PCDHA9: variants seen among roughly 807,000 people sequenced by gnomAD.
PCDHA9 encodes protocadherin alpha-9.
A neutral mutation model predicts 62.0 loss-of-function variants in PCDHA9; 62 were observed. That is an observed-to-expected ratio of 1.00 (90% CI 0.81 to 1.23). The LOEUF is 1.23. PCDHA9 is among the 50% of genes most tolerant of loss of function. The pLI, the probability that PCDHA9 is intolerant of heterozygous loss-of-function variation, is 0.00. For missense variants in PCDHA9, 1,205 were observed against 1,249.8 expected (o/e 0.96, Z 0.54); for synonymous variants, 557 against 567.6 (o/e 0.98, Z 0.27).
At chr5:140,953,218 C>T (rs575250415) in intron 1 of PCDHA9, among the ~76,000 whole-genome samples, 2 of 152,272 alleles carry the variant, frequency 1.3e-5, no homozygotes, top group East Asian at 3.9e-4. Flanking sequence ...ATCTTTCTTG[C>T]TTCTGCTTGG....
chr5:141,009,942 C>T lies in PCDHA9; in HGVS notation c.*5C>T, dbSNP rs782819309. The T allele has an allele frequency of 6.3e-7, 1 of 1,597,438 alleles. No individual in the cohort carries two copies. The highest frequency in any genetic ancestry group is 1.1e-5 in the South Asian group (1 of 87,840). ...ACTGACAACAGTGACCAGTGAGGTCCTCAAATGGAAACAAGCCACTTAGCC... is the reference window on the plus strand; with the variant it reads ...ACTGACAACAGTGACCAGTGAGGTCTTCAAATGGAAACAAGCCACTTAGCC... On this transcript the variant is annotated 3_prime_UTR_variant, in exon 4 of 4. Coordinates refer to ENST00000532602, the MANE Select transcript of PCDHA9 (RefSeq NM_031857.2).
At position 140,871,521 on chromosome 5, in the gene PCDHA9, C is replaced by T. The variant is rs1554165698; in HGVS notation, c.2394+20632C>T. 3.2e-6 allele frequency: 5 copies of T among 1,553,236 alleles called. No individual in the cohort carries two copies. In the Admixed American group the frequency reaches 1.0e-4, roughly 31 times the overall value. On this transcript the variant is annotated intron_variant, in intron 1 of 3. Transcript: ENST00000532602. ...TGAGTTTTCTACAGATTCCACCTAT[C>T]AGGAAGTGTATGTGAAATTATTTAA...
intron 1 of PCDHA9, among the ~76,000 whole-genome samples, chr5:140,977,932 C>T (rs2096781582): frequency 6.6e-6 from 1 of 151,944 alleles, no homozygotes; most frequent in Non-Finnish European, 1.5e-5. Flanking sequence ...TCAACTATAC[C>T]TCAATATTCA....
chr5:140,871,698 C>A, intron 1 of PCDHA9: 2 of 905,580 alleles, frequency 2.2e-6, no homozygotes, highest in Non-Finnish European at 3.2e-6. Context: ...GCTTCTTTAA[C>A]CAATAAATGT....
At chr5:140,876,607 T>A in intron 1 of PCDHA9, 1 of 1,614,186 alleles carries the variant, frequency 6.2e-7, no homozygotes, top group Non-Finnish European at 8.5e-7. Context: ...GGATCGTGAC[T>A]CTGGAGCCAA....
intron 1 of PCDHA9, chr5:140,967,124 A>G (rs782387198): frequency 1.2e-6 from 2 of 1,612,200 alleles, no homozygotes; most frequent in South Asian, 2.2e-5. Context: ...CTGCCTGCTC[A>G]GCTTGGAAGT....
At chr5:140,877,391 C>T (rs782042077) in intron 1 of PCDHA9, 21 of 1,613,950 alleles carry the variant, frequency 1.3e-5, no homozygotes, top group Non-Finnish European at 1.8e-5. Flanking sequence ...CTGGATGAGG[C>T]GGACGCTCCG....
intron 1 of PCDHA9, chr5:140,968,323 C>T (rs1554230616): frequency 1.2e-6 from 2 of 1,614,114 alleles, no homozygotes; most frequent in East Asian, 2.2e-5. Flanking sequence ...TGCCAGTCAC[C>T]TCCTATGTCT....
intron 1 of PCDHA9, among the ~76,000 whole-genome samples, chr5:140,962,524 G>T (rs1410879766): frequency 6.6e-6 from 1 of 152,012 alleles, no homozygotes; most frequent in Non-Finnish European, 1.5e-5. Flanking sequence ...TAATATATTA[G>T]TTTTTTAGAA....
In PCDHA9 at chr5:141,009,879, A is replaced by T. The variant is rs2098415109; in HGVS notation, c.2795A>T (p.Asn932Ile). The T allele has an allele frequency of 1.2e-6, 2 of 1,613,766 alleles. No individual in the cohort carries two copies. The highest frequency in any genetic ancestry group is 3.3e-5 in the Admixed American group (2 of 59,900). Reference sequence around the variant, plus strand: ...AAAAAGAAGAAAAAGAAGAAGGGTAACAAGACCCAGGAGAAAAAAGAGAAA... The same window carrying T: ...AAAAAGAAGAAAAAGAAGAAGGGTATCAAGACCCAGGAGAAAAAAGAGAAA... The part of the protein sequence containing the change: ...TKKKKKKKKG[N>I]KTQEKKEKGN... Residue 932 changes from asparagine to isoleucine, a missense_variant, in exon 4 of 4, where the codon AAC (asparagine) becomes ATC (isoleucine). Around this residue, in one of 3 missense-constraint regions of PCDHA9, gnomAD observed 887 missense variants for 809.5 expected, o/e 1.10. Coordinates refer to ENST00000532602, the MANE Select transcript of PCDHA9 (RefSeq NM_031857.2).
rs573889445 is a variant in PCDHA9 at position 140,855,681 on chromosome 5, A to G, written c.2394+4792A>G. ...AGAAATCACTACTCTGAGAGTCTAC[A>G]TTTAAGAAAACATTGCACGTGGGAT... On this transcript the variant is annotated intron_variant, in intron 1 of 3. Coordinates refer to ENST00000532602, the MANE Select transcript of PCDHA9 (RefSeq NM_031857.2). Among the ~76,000 whole-genome samples the G allele has an allele frequency of 1.4e-4, 21 of 149,936 alleles. 1 individual carries two copies. The highest frequency in any genetic ancestry group is 5.1e-4 in the African/African-American group (21 of 40,902).
At chr5:141,009,494 A>T in intron 3 of PCDHA9, 133 bp from the exon 4 acceptor site, 1 of 1,488,918 alleles carries the variant, frequency 6.7e-7, no homozygotes, top group South Asian at 1.4e-5. Flanking sequence ...TTGCCCTCAG[A>T]CTTGAACAAA....
intron 1 of PCDHA9, chr5:140,969,172 G>T (rs782196654): frequency 1.2e-5 from 19 of 1,614,086 alleles, no homozygotes; most frequent in Non-Finnish European, 1.5e-5. Context: ...CAGGCTCAGG[G>T]AGTGACACTT....
intron 1 of PCDHA9, among the ~76,000 whole-genome samples, chr5:140,943,845 C>T (rs59104695): frequency 0.056 from 8,479 of 152,194 alleles, 700 homozygotes; most frequent in African/African-American, 0.18. Flanking sequence ...TGTAAGATGT[C>T]ACAGAAGTCA....
intron 1 of PCDHA9, among the ~76,000 whole-genome samples, chr5:140,942,360 G>A (rs782168150): frequency 4.0e-5 from 6 of 151,816 alleles, no homozygotes; most frequent in Admixed American, 3.3e-4. Context: ...TGCAGTTAAC[G>A]GAGATTGCAC....
intron 1 of PCDHA9, chr5:140,929,151 T>C: frequency 6.2e-7 from 1 of 1,614,202 alleles, no homozygotes; most frequent in East Asian, 2.2e-5. Context: ...TTTCTCAGAC[T>C]TATCTCTATC....
Position 140,929,131 on chromosome 5 carries a change from G to A in PCDHA9, c.2395-49818G>A, listed in dbSNP as rs782040825. ...ATCAGCCACCATAGATGTCACTACA[G>A]TTGAGAGACTTTCTCAGACTTATCT... On this transcript the variant is annotated intron_variant, in intron 1 of 3. Coordinates refer to ENST00000532602, the MANE Select transcript of PCDHA9 (RefSeq NM_031857.2). 5.0e-6 allele frequency: 8 copies of A among 1,614,036 alleles called. No homozygotes were observed. The East Asian group carries it at 6.7e-5, about 13-fold the overall frequency.
At chr5:140,893,434 C>G (rs1554185617) in intron 1 of PCDHA9, among the ~76,000 whole-genome samples, 1 of 152,042 alleles carries the variant, frequency 6.6e-6, no homozygotes, top group African/African-American at 2.4e-5. Context: ...AGGAAGATCG[C>G]TTGAAGCCAG....
At chr5:140,916,261 A>C (rs2077497892) in intron 1 of PCDHA9, among the ~76,000 whole-genome samples, 1 of 152,168 alleles carries the variant, frequency 6.6e-6, no homozygotes. Context: ...GGACCCCAAG[A>C]GCATGCTTGT....
Sources: allele counts gnomAD v4.1 joint callset (sites outside exome capture counted in the v4.1 genomes callset), GRCh38; gene constraint gnomAD v4.1.1; regional missense constraint gnomAD v4.1.1; transcripts MANE v1.5; gene names NCBI Gene and HGNC (gene_info 2026-07-23, HGNC 2026-07-21).